The following ADD2 variants were observed in gnomAD, a reference collection of about 807,000 sequenced individuals.
The protein encoded by ADD2 is adducin 2.
Under a neutral mutation model 83.0 loss-of-function variants are expected in ADD2, and 23 were observed. The observed-to-expected ratio is 0.28, with a 90% CI of 0.20 to 0.39. The LOEUF (loss-of-function observed/expected upper bound fraction) is 0.39. Ranked by LOEUF, ADD2 falls within the 10% of genes least tolerant of loss-of-function variation. The pLI is 1.00. For synonymous variants in ADD2, 375 were observed against 375.4 expected, an observed-to-expected ratio of 1.00 and a Z score of 0.01; for missense variants, 758 against 944.9, an observed-to-expected ratio of 0.80 and a Z score of 2.59.
At chr2:70,738,147 A>T (rs917651013) in intron 1 of ADD2, among the ~76,000 whole-genome samples, 3 of 152,238 alleles carry the variant, frequency 2.0e-5, no homozygotes, top group Non-Finnish European at 2.9e-5. Flanking sequence ...TATAAACAAA[A>T]CAAAAATCCA....
chr2:70,763,886 T>C (rs1422077030), intron 1 of ADD2, among the ~76,000 whole-genome samples: 1 of 151,672 alleles, frequency 6.6e-6, no homozygotes, highest in African/African-American at 2.4e-5. Flanking sequence ...CCCATCTCAT[T>C]TTCTTTTCTT....
intron 1 of ADD2, among the ~76,000 whole-genome samples, chr2:70,726,491 A>G (rs1266981855): frequency 6.6e-6 from 1 of 152,170 alleles, no homozygotes; most frequent in Non-Finnish European, 1.5e-5. Context: ...GGGTCAACCA[A>G]GAAGTAGTCT....
chr2:70,674,741 G>A lies in ADD2; in HGVS notation c.1678C>T (p.Leu560Phe), dbSNP rs1368424660. Residue 560 changes from leucine (L) to phenylalanine (F), a missense_variant, in exon 14 of 16, where the codon CTC becomes TTC. Coordinates refer to ENST00000264436, the MANE Select transcript of ADD2 (RefSeq NM_001617.4). Reference sequence around the variant, plus strand: ...TACTCCTCCAACTCCTGGTCAGTGAGTTGGCTGAAGGGGTTGGGCACCGTC... The same window carrying A: ...TACTCCTCCAACTCCTGGTCAGTGAATTGGCTGAAGGGGTTGGGCACCGTC... ...EETVPNPFSQ[L>F]TDQELEEYKK... 3 of 1,614,008 alleles carry A rather than the reference G, an allele frequency of 1.9e-6. No homozygotes were observed. The highest frequency in any genetic ancestry group is 2.5e-6 in the Non-Finnish European group (3 of 1,180,038).
chr2:70,670,664 T>C (rs1669858009), intron 15 of ADD2, among the ~76,000 whole-genome samples: 1 of 151,868 alleles, frequency 6.6e-6, no homozygotes, highest in African/African-American at 2.4e-5. Flanking sequence ...TGGCAAATGG[T>C]TGGAAAAAGC....
In ADD2 at chr2:70,678,855, T is replaced by C. The variant is rs150772862; in HGVS notation, c.1232A>G (p.Glu411Gly). 6 of 1,614,092 alleles carry C rather than the reference T, an allele frequency of 3.7e-6. No homozygotes were observed. The African/African-American group carries it at 5.3e-5, about 14-fold the overall frequency. ...CAGGGCGGGCACCGGGGCACCGTCCTCCTCAAACACGAAGGCTGTGACCGT... is the reference window on the plus strand; with the variant it reads ...CAGGGCGGGCACCGGGGCACCGTCCCCCTCAAACACGAAGGCTGTGACCGT... ...PATVTAFVFE[E>G]DGAPVPALRQ... Residue 411 changes from glutamate to glycine, a missense_variant, in exon 11 of 16, where the codon GAG becomes GGG. By Grantham distance (98) the Glu-to-Gly change is moderately conservative. This residue lies in a region of ADD2 where 394 missense variants were observed against 509.3 expected (regional missense o/e 0.77). Transcript: ENST00000264436.
intron 4 of ADD2, among the ~76,000 whole-genome samples, chr2:70,702,791 T>C (rs1027504186): frequency 3.3e-5 from 5 of 151,372 alleles, no homozygotes; most frequent in South Asian, 2.1e-4. Flanking sequence ...AATACACTAA[T>C]AGGAAAATAG....
At chr2:70,670,224 A>G (rs142970259) in intron 15 of ADD2, among the ~76,000 whole-genome samples, 33 of 152,400 alleles carry the variant, frequency 2.2e-4, no homozygotes, top group Admixed American at 9.8e-4. Flanking sequence ...AGAACATGGT[A>G]GATAAAAAGG....
At chr2:70,707,856 C>G (rs1208586539) in intron 2 of ADD2, among the ~76,000 whole-genome samples, 2 of 152,252 alleles carry the variant, frequency 1.3e-5, no homozygotes, top group African/African-American at 2.4e-5. Flanking sequence ...ATGGAATGCT[C>G]TCTTGTTCTT....
At chr2:70,666,844 G>T (rs1042137148) in intron 15 of ADD2, among the ~76,000 whole-genome samples, 1 of 152,204 alleles carries the variant, frequency 6.6e-6, no homozygotes, top group Admixed American at 6.5e-5. Context: ...GATTCAGAGA[G>T]GTTCCACATC....
chr2:70,751,434 TTA>T (rs1674503046), intron 1 of ADD2, among the ~76,000 whole-genome samples: 1 of 152,206 alleles, frequency 6.6e-6, no homozygotes, highest in South Asian at 2.1e-4. Context: ...ACGTTTGGTG[TTA>T]TGTTTGCCTT....
intron 7 of ADD2, 49 bp downstream of exon 7, chr2:70,692,354 T>A: frequency 1.4e-6 from 2 of 1,480,032 alleles, no homozygotes; most frequent in Non-Finnish European, 1.8e-6. Context: ...TGCTACAACC[T>A]CGGCAGCCTT....
At chr2:70,707,454 T>A (rs1553374734) in intron 2 of ADD2, among the ~76,000 whole-genome samples, 1 of 152,252 alleles carries the variant, frequency 6.6e-6, no homozygotes, top group African/African-American at 2.4e-5. Flanking sequence ...GAATACTTTT[T>A]AAAATGTGTG....
At chr2:70,694,283 C>A (rs1330836366) in intron 6 of ADD2, among the ~76,000 whole-genome samples, 3 of 152,174 alleles carry the variant, frequency 2.0e-5, no homozygotes, top group Admixed American at 6.5e-5. Context: ...GCCTACTAAG[C>A]ATAGAGGCCC....
At chr2:70,705,590 C>A (rs1345938111) in intron 3 of ADD2, among the ~76,000 whole-genome samples, 1 of 152,200 alleles carries the variant, frequency 6.6e-6, no homozygotes, top group Non-Finnish European at 1.5e-5. Flanking sequence ...GCCCACCCTT[C>A]GGCCTTCTCA....
intron 1 of ADD2, among the ~76,000 whole-genome samples, chr2:70,747,739 CAGCGACAGTATCTCTTTAGGGACT>C (rs1171137831): frequency 2.6e-5 from 4 of 152,218 alleles, no homozygotes; most frequent in Non-Finnish European, 5.9e-5. Context: ...ATTTTGTGTT[CAGCGACAGTATCTCTTTAGGGACT>C]AGTGACTTGG....
intron 10 of ADD2, among the ~76,000 whole-genome samples, chr2:70,682,113 G>A (rs1670484069): frequency 6.6e-6 from 1 of 152,140 alleles, no homozygotes; most frequent in Non-Finnish European, 1.5e-5. Context: ...TGAATTCTAG[G>A]AATGAGCCAC....
chr2:70,696,722 A>G (rs759463), intron 4 of ADD2, among the ~76,000 whole-genome samples: 49,945 of 152,108 alleles, frequency 0.33, 8,485 homozygotes, highest in East Asian at 0.44. Flanking sequence ...GAATCAAAGC[A>G]AGAATAAACC....
intron 1 of ADD2, among the ~76,000 whole-genome samples, chr2:70,721,375 C>G (rs1553377317): frequency 6.6e-6 from 1 of 152,186 alleles, no homozygotes; most frequent in Non-Finnish European, 1.5e-5. Flanking sequence ...CCCCATGACT[C>G]TATGTCTTAG....
chr2:70,696,218 C>T (rs782748023), intron 5 of ADD2, 27 bp downstream of exon 5: 2 of 1,603,068 alleles, frequency 1.2e-6, no homozygotes, highest in Admixed American at 1.7e-5. Context: ...TGCAGTGCCC[C>T]ACCCAATTCC....
Sources: allele counts gnomAD v4.1 joint callset (sites outside exome capture counted in the v4.1 genomes callset), GRCh38; gene constraint gnomAD v4.1.1; regional missense constraint gnomAD v4.1.1; transcripts MANE v1.5; gene names NCBI Gene and HGNC (gene_info 2026-07-23, HGNC 2026-07-21).